Variants in CNTNAP5 observed in about 807,000 individuals in gnomAD.
CNTNAP5 encodes the protein contactin-associated protein-like 5.
A neutral mutation model predicts 150.2 loss-of-function variants in CNTNAP5; 72 were observed. The ratio of observed to expected loss-of-function variants is 0.48; its 90% CI spans 0.40 to 0.58. The LOEUF (loss-of-function observed/expected upper bound fraction) is 0.58. Ranked by LOEUF, CNTNAP5 falls within the 20% of genes least tolerant of loss-of-function variation. The probability of loss-of-function intolerance (pLI) is 0.00; values close to 1 mark genes in which losing one functional copy is unlikely to be tolerated. For missense variants in CNTNAP5, 1,636 were observed against 1,626.2 expected (o/e 1.01, Z -0.10); for synonymous variants, 672 against 619.8 (o/e 1.08, Z -1.25).
At chr2:124,264,870 G>T (rs1190690724) in intron 3 of CNTNAP5, among the ~76,000 whole-genome samples, 1 of 152,198 alleles carries the variant, frequency 6.6e-6, no homozygotes, top group Admixed American at 6.5e-5. Context: ...TGAAGTGTGT[G>T]CATGGGCACG....
intron 11 of CNTNAP5, among the ~76,000 whole-genome samples, chr2:124,581,897 A>T (rs1696423248): frequency 1.3e-5 from 2 of 152,182 alleles, no homozygotes; most frequent in South Asian, 4.1e-4. Context: ...TGTCGATGGT[A>T]CCTCAGGGAA....
chr2:124,519,426 G>A (rs1414044989), intron 8 of CNTNAP5, among the ~76,000 whole-genome samples: 1 of 152,188 alleles, frequency 6.6e-6, no homozygotes, highest in African/African-American at 2.4e-5. Flanking sequence ...AAACTTTTCA[G>A]AGCTTTTTGG....
At chr2:124,315,552 G>C (rs1329817597) in intron 3 of CNTNAP5, among the ~76,000 whole-genome samples, 1 of 152,118 alleles carries the variant, frequency 6.6e-6, no homozygotes, top group African/African-American at 2.4e-5. Flanking sequence ...ATAAGATGAT[G>C]TATTTTTAAT....
chr2:124,761,194 A>G (rs776249670), intron 14 of CNTNAP5, among the ~76,000 whole-genome samples: 2 of 152,088 alleles, frequency 1.3e-5, no homozygotes, highest in African/African-American at 2.4e-5. Context: ...TTGTGACTAA[A>G]ACCCACCATG....
chr2:124,726,884 T>A (rs1487027429), intron 13 of CNTNAP5, among the ~76,000 whole-genome samples: 2 of 152,034 alleles, frequency 1.3e-5, no homozygotes, highest in African/African-American at 2.4e-5. Context: ...TCTGTGCTTT[T>A]GGGGTCATGC....
Position 124,919,930 on chromosome 2 carries a change from T to C in CNTNAP5, c.*5642T>C, listed in dbSNP as rs1678841085. ...CCCCTGTGAGTGGAAGTCCTCAGAT[T>C]CTGGAATCCATCCAGTGTCTTTCTT... On this transcript the variant is annotated 3_prime_UTR_variant, in exon 24 of 24. Coordinates refer to ENST00000682447, the MANE Select transcript of CNTNAP5 (RefSeq NM_001367498.1). Among the ~76,000 whole-genome samples the C allele has an allele frequency of 6.6e-6, 1 of 152,012 alleles. No individual in the cohort carries two copies. The highest frequency in any genetic ancestry group is 1.5e-5 in the Non-Finnish European group (1 of 67,994).
At chr2:124,911,790 G>C (rs1257882548) in intron 23 of CNTNAP5, among the ~76,000 whole-genome samples, 4 of 152,052 alleles carry the variant, frequency 2.6e-5, no homozygotes, top group Non-Finnish European at 5.9e-5. Context: ...TCAACAGCTG[G>C]AGCATTTACT....
rs540108963 is a variant in CNTNAP5, at chr2:124,711,477, C to G, written c.2078-35752C>G. Among the ~76,000 whole-genome samples the G allele has an allele frequency of 5.4e-4, 82 of 152,090 alleles. 1 individual carries two copies. In the South Asian group the frequency reaches 0.017, roughly 32 times the overall value. The stretch of plus-strand genomic sequence containing the variant: ...TCTATCTGCTTTAGTTCAGGCTCTT[C>G]TTATTTTGTACTAAATGTAACAGTG... On this transcript the variant is annotated intron_variant, in intron 13 of 23. Coordinates refer to ENST00000682447, the MANE Select transcript of CNTNAP5 (RefSeq NM_001367498.1).
chr2:124,875,459 A>G lies in CNTNAP5; in HGVS notation c.3436+5697A>G, dbSNP rs191632382. 4.4e-3 allele frequency among the ~76,000 whole-genome samples: 668 copies of G among 152,170 alleles called. 4 individuals are homozygous for G. The highest frequency in any genetic ancestry group is 0.015 in the African/African-American group (623 of 41,550). On this transcript the variant is annotated intron_variant, in intron 21 of 23. Coordinates refer to ENST00000682447, the MANE Select transcript of CNTNAP5 (RefSeq NM_001367498.1). Reference sequence around the variant, plus strand: ...TGGAGACAAATTGACCCATGTTTGCATCTCTCATGTAGTTAACCATTGTGT... The same window carrying G: ...TGGAGACAAATTGACCCATGTTTGCGTCTCTCATGTAGTTAACCATTGTGT...
chr2:124,205,308 G>A (rs975165097), intron 1 of CNTNAP5, among the ~76,000 whole-genome samples: 5 of 151,934 alleles, frequency 3.3e-5, no homozygotes, highest in African/African-American at 9.7e-5. Context: ...TTTCTCTCCT[G>A]CCACCAAGTG....
At chr2:124,517,610 G>T (rs762720021) in intron 8 of CNTNAP5, among the ~76,000 whole-genome samples, 1 of 149,656 alleles carries the variant, frequency 6.7e-6, no homozygotes, top group East Asian at 2.1e-4. Flanking sequence ...GTGATGGAGG[G>T]TTGTAGTGTT....
chr2:124,272,595 G>A (rs1687786928), intron 3 of CNTNAP5, among the ~76,000 whole-genome samples: 1 of 152,134 alleles, frequency 6.6e-6, no homozygotes, highest in African/African-American at 2.4e-5. Context: ...GCACAGAAGA[G>A]GAAGAAGGAG....
intron 1 of CNTNAP5, among the ~76,000 whole-genome samples, chr2:124,098,610 G>A (rs547688421): frequency 5.9e-5 from 9 of 152,168 alleles, no homozygotes; most frequent in African/African-American, 2.2e-4. Context: ...TTACAGATGA[G>A]GAAACTGAGG....
intron 16 of CNTNAP5, 133 bp downstream of exon 16, chr2:124,764,280 A>G (rs965201466): frequency 2.9e-6 from 2 of 679,076 alleles, no homozygotes; most frequent in African/African-American, 3.6e-5. Context: ...ATTAGCAGTG[A>G]TAATGTCTAG....
intron 4 of CNTNAP5, among the ~76,000 whole-genome samples, chr2:124,419,131 A>G (rs533600747): frequency 2.9e-5 from 4 of 138,626 alleles, no homozygotes; most frequent in Non-Finnish European, 6.1e-5. Context: ...ACAGAGCGAG[A>G]CTCCTTCTCA....
intron 1 of CNTNAP5, among the ~76,000 whole-genome samples, chr2:124,111,674 C>T (rs1005363427): frequency 2.0e-5 from 3 of 152,138 alleles, no homozygotes; most frequent in Admixed American, 6.5e-5. Context: ...TTTCAAAACT[C>T]GAAGGCCCAA....
intron 1 of CNTNAP5, among the ~76,000 whole-genome samples, chr2:124,158,723 T>C (rs1684605815): frequency 6.6e-6 from 1 of 152,228 alleles, no homozygotes; most frequent in African/African-American, 2.4e-5. Flanking sequence ...TACCTAATAG[T>C]TATGTTCTTG....
chr2:124,638,348 C>T (rs1378223547), intron 12 of CNTNAP5, among the ~76,000 whole-genome samples: 1 of 152,012 alleles, frequency 6.6e-6, no homozygotes, highest in Non-Finnish European at 1.5e-5. Context: ...AGCAATATCA[C>T]ATCAATAACA....
At chr2:124,266,995 G>A (rs1459529151) in intron 3 of CNTNAP5, among the ~76,000 whole-genome samples, 1 of 151,386 alleles carries the variant, frequency 6.6e-6, no homozygotes, top group East Asian at 1.9e-4. Context: ...ACAATGCTGG[G>A]AAGGCTTTAA....
Sources: gnomAD v4.1 joint callset for allele counts (sites outside exome capture counted in the v4.1 genomes callset) on GRCh38, gnomAD v4.1.1 for gene constraint, MANE v1.5 for transcripts, NCBI Gene and HGNC (gene_info 2026-07-23, HGNC 2026-07-21) for gene names.